Variants in PCDH15 observed in about 807,000 individuals in gnomAD.
PCDH15 encodes the protein protocadherin-15.
PCDH15 carries 129 observed loss-of-function variants against 178.5 expected under a neutral mutation model. The observed-to-expected ratio is 0.72, with a 90% CI of 0.63 to 0.84. PCDH15 has a LOEUF of 0.84. PCDH15 is among the 40% of genes least tolerant of loss of function. PCDH15 has a pLI of 0.00. For missense variants in PCDH15, 2,230 were observed against 2,099.9 expected (o/e 1.06, Z -1.21); for synonymous variants, 800 against 732.0 (o/e 1.09, Z -1.50).
chr10:54,808,005 T>G (rs1406150185), intron 3 of PCDH15, among the ~76,000 whole-genome samples: 2 of 151,984 alleles, frequency 1.3e-5, no homozygotes, highest in South Asian at 2.1e-4. Context: ...TTTATAGTTC[T>G]TTGGCGTTCC....
At chr10:54,265,142 A>G (rs1282748855) in intron 8 of PCDH15, among the ~76,000 whole-genome samples, 1 of 152,172 alleles carries the variant, frequency 6.6e-6, no homozygotes, top group African/African-American at 2.4e-5. Context: ...CCAGAAAAAA[A>G]CATTCATATT....
At chr10:54,734,091 A>T (rs534466411) in intron 1 of PCDH15, among the ~76,000 whole-genome samples, 6 of 151,790 alleles carry the variant, frequency 4.0e-5, no homozygotes, top group Non-Finnish European at 4.4e-5. Context: ...AACACACTTA[A>T]AAAAATGCTC....
intron 2 of PCDH15, among the ~76,000 whole-genome samples, chr10:54,535,688 A>C (rs749738842): frequency 2.9e-5 from 4 of 138,740 alleles, no homozygotes; most frequent in African/African-American, 1.1e-4. Context: ...CCAGCCTGGC[A>C]GACAGAGCGA....
intron 1 of PCDH15, among the ~76,000 whole-genome samples, chr10:55,239,067 T>C (rs1841475920): frequency 6.6e-6 from 1 of 152,202 alleles, no homozygotes; most frequent in African/African-American, 2.4e-5. Context: ...TTATTTATTC[T>C]CATTTTTTAT....
At chr10:54,796,581 TTC>T (rs1332643467) in intron 1 of PCDH15, among the ~76,000 whole-genome samples, 4 of 151,890 alleles carry the variant, frequency 2.6e-5, no homozygotes, top group African/African-American at 7.2e-5. Context: ...CTATCTCCAC[TTC>T]TCTCTCTTTC....
chr10:54,667,865 C>T (rs1158383328), intron 1 of PCDH15, among the ~76,000 whole-genome samples: 1 of 151,984 alleles, frequency 6.6e-6, no homozygotes, highest in East Asian at 1.9e-4. Flanking sequence ...ATAAAGTTAT[C>T]ATTTTGCAAT....
chr10:53,928,913 G>A (rs548515370), intron 25 of PCDH15, among the ~76,000 whole-genome samples: 1 of 151,958 alleles, frequency 6.6e-6, no homozygotes, highest in South Asian at 2.1e-4. Context: ...TTCCAAGAAT[G>A]AAGAAAACTG....
chr10:55,460,694 C>T (rs1839657557), intron 2 of PCDH15, among the ~76,000 whole-genome samples: 1 of 152,208 alleles, frequency 6.6e-6, no homozygotes, highest in South Asian at 2.1e-4. Context: ...GTAATTGCCA[C>T]ACTACCCTGA....
Position 54,869,846 on chromosome 10 carries a change from C to A in PCDH15, c.-29+27604G>T, listed in dbSNP as rs1209056044. Among the ~76,000 whole-genome samples, 3 of 152,186 alleles carry A rather than the reference C, an allele frequency of 2.0e-5. No individual in the cohort carries two copies. The East Asian group carries it at 5.8e-4, about 29-fold the overall frequency. On this transcript the variant is annotated intron_variant, in intron 3 of 5. Transcript: ENST00000458638. ...CACTAGCACATCTCACATAAGCACA[C>A]TGCTTTAAATACTGACACATTTTCA...
At position 55,463,965 on chromosome 10, in the gene PCDH15, GAA is replaced by G. The variant is rs1839756613; in HGVS notation, c.-156+163658_-156+163659del. Among the ~76,000 whole-genome samples, 138 of 35,734 alleles carry G rather than the reference GAA, an allele frequency of 3.9e-3. 26 individuals carry two copies. The highest frequency in any genetic ancestry group is 0.025 in the Middle Eastern group (2 of 80). 23.4% of individuals were successfully genotyped at this position (35,734 alleles called of 152,430 possible). ...AGAAAGAAAGAAAGAAAGAAAGAAA[GAA>G]AGAAAGAGAAAGAAAGAAAGAAAGA... On this transcript the variant is annotated intron_variant, in intron 2 of 5. Transcript: ENST00000613346.
At chr10:55,340,247 C>T (rs1172439686) in intron 2 of PCDH15, among the ~76,000 whole-genome samples, 1 of 150,322 alleles carries the variant, frequency 6.7e-6, no homozygotes, top group African/African-American at 2.4e-5. Flanking sequence ...GTAATATATA[C>T]ATATATTACA....
chr10:54,838,188 T>G (rs954157782), intron 3 of PCDH15, among the ~76,000 whole-genome samples: 1 of 152,068 alleles, frequency 6.6e-6, no homozygotes, highest in Admixed American at 6.6e-5. Flanking sequence ...CCTGTCCACC[T>G]AGTGATATGG....
At chr10:54,727,458 G>T (rs11004507) in intron 1 of PCDH15, among the ~76,000 whole-genome samples, 18,449 of 151,466 alleles carry the variant, frequency 0.12, 1,252 homozygotes, top group African/African-American at 0.17. Flanking sequence ...AGTGTTAAGA[G>T]GAAAGTTTCT....
chr10:54,273,470 C>A, intron 8 of PCDH15, among the ~76,000 whole-genome samples: 1 of 151,350 alleles, frequency 6.6e-6, no homozygotes, highest in Non-Finnish European at 1.5e-5. Context: ...GGAGACAGAT[C>A]AAAAGACACA....
At chr10:54,557,996 A>G (rs2087533926) in intron 2 of PCDH15, among the ~76,000 whole-genome samples, 3 of 152,118 alleles carry the variant, frequency 2.0e-5, no homozygotes. Flanking sequence ...AGCCACTCTG[A>G]TATGACAATA....
At chr10:55,073,381 G>C (rs1298813677) in intron 2 of PCDH15, among the ~76,000 whole-genome samples, 1 of 152,052 alleles carries the variant, frequency 6.6e-6, no homozygotes, top group Admixed American at 6.6e-5. Flanking sequence ...TCCTTAAGCT[G>C]ATAAGCAACT....
At chr10:54,716,440 C>T (rs111298425) in intron 1 of PCDH15, among the ~76,000 whole-genome samples, 18,505 of 152,014 alleles carry the variant, frequency 0.12, 1,251 homozygotes, top group African/African-American at 0.17. Context: ...TTTCATTGAG[C>T]AGTGGTTTGT....
At chr10:55,598,546 A>AG in intron 2 of PCDH15, among the ~76,000 whole-genome samples, 2 of 52,460 alleles carry the variant, frequency 3.8e-5, no homozygotes, top group African/African-American at 9.5e-5. Context: ...ATATATATAT[A>AG]TATATATATA....
intron 29 of PCDH15, among the ~76,000 whole-genome samples, chr10:53,834,766 T>C (rs1281721539): frequency 6.6e-6 from 1 of 152,200 alleles, no homozygotes; most frequent in Admixed American, 6.5e-5. Flanking sequence ...TGTTGTGTTA[T>C]TCAGCATATA....
Sources: allele counts gnomAD v4.1 joint callset (sites outside exome capture counted in the v4.1 genomes callset), GRCh38; gene constraint gnomAD v4.1.1; transcripts MANE v1.5; gene names NCBI Gene and HGNC (gene_info 2026-07-23, HGNC 2026-07-21).